Variants in SLC17A3 observed in about 807,000 individuals in gnomAD.
The protein encoded by SLC17A3 is sodium-dependent phosphate transport protein 4.
Under a neutral mutation model 60.3 loss-of-function variants are expected in SLC17A3, and 61 were observed. The ratio of observed to expected loss-of-function variants is 1.01; its 90% CI spans 0.82 to 1.25. The LOEUF is 1.25. Among genes scored for constraint, SLC17A3 ranks in the 50% most tolerant of loss-of-function variants. The probability of loss-of-function intolerance (pLI) is 0.00; values close to 1 mark genes in which losing one functional copy is unlikely to be tolerated. For synonymous variants in SLC17A3, 192 were observed against 208.9 expected (o/e 0.92, Z 0.70); for missense variants, 624 against 594.9 (o/e 1.05, Z -0.51).
chr6:25,850,538 C>T lies in SLC17A3; in HGVS notation c.914G>A (p.Ser305Asn). The change falls in exon 8 of 13, where the codon AGC becomes AAC. Residue 305 changes from serine to asparagine, a missense_variant. Ser to Asn is a conservative substitution (Grantham distance 46, BLOSUM62 1). Transcript: ENST00000397060. ...PIWSICLGCF[S>N]HQWLVSTMVV... The stretch of plus-strand genomic sequence containing the variant: ...CATTGTGCTAACTAACCATTGATGG[C>T]TGAAACAGCCTAAACATATGGACCA... 2 of 1,613,786 alleles carry T rather than the reference C, an allele frequency of 1.2e-6. No individual in the cohort carries two copies. Among genetic ancestry groups the T allele is most frequent in the Non-Finnish European group, 8.5e-7 (1 of 1,179,784 alleles).
At chr6:25,846,670 G>A (rs1213229413) in intron 11 of SLC17A3, among the ~76,000 whole-genome samples, 2 of 152,050 alleles carry the variant, frequency 1.3e-5, no homozygotes, top group Non-Finnish European at 2.9e-5. Context: ...GAGTACAGTG[G>A]CACGATCTCG....
In SLC17A3 at chr6:25,849,281, A is replaced by T. The variant is rs956056248; in HGVS notation, c.1362+93T>A. On this transcript the variant is annotated intron_variant, in intron 11 of 12. Transcript: ENST00000397060. Reference sequence around the variant, plus strand: ...TTAATGACAAATTACCCAAAATTTAACTTTATTTTTCAGTCTTTGAATACA... The same window carrying T: ...TTAATGACAAATTACCCAAAATTTATCTTTATTTTTCAGTCTTTGAATACA... 3.9e-6 allele frequency: 3 copies of T among 768,750 alleles called. No individual in the cohort carries two copies. The African/African-American group carries it at 5.2e-5, about 13-fold the overall frequency. 47.6% of individuals were successfully genotyped at this position (768,750 alleles called of 1,614,324 possible).
At position 25,862,364 on chromosome 6, in the gene SLC17A3, T is replaced by C; in HGVS notation, c.172A>G (p.Ile58Val). Residue 58 changes from isoleucine to valine, a missense_variant, in exon 3 of 13, where the codon ATC becomes GTC. Physicochemically the swap from Ile to Val is conservative, Grantham distance 29 (BLOSUM62 3). Transcript: ENST00000397060. The part of the protein sequence containing the change: ...CNFTTIAQNV[I>V]MNITMVAMVN... ...ATGGCTACCATGGTGATGTTCATGA[T>C]GACATTTTGTGCTATCGTTGTGAAA... 6.2e-7 allele frequency: 1 copy of C among 1,613,816 alleles called. No homozygotes were observed. The highest frequency in any genetic ancestry group is 8.5e-7 in the Non-Finnish European group (1 of 1,179,740).
chr6:25,852,735 A>G (rs1227547401), intron 6 of SLC17A3, among the ~76,000 whole-genome samples: 3 of 152,154 alleles, frequency 2.0e-5, no homozygotes, highest in African/African-American at 7.2e-5. Context: ...TAATGTAGCT[A>G]TAGTAACTAT....
chr6:25,862,378 A>G lies in SLC17A3; in HGVS notation c.158T>C (p.Ile53Thr), dbSNP rs576305771. The G allele has an allele frequency of 2.5e-6, 4 of 1,613,796 alleles. No individual in the cohort carries two copies. The highest frequency in any genetic ancestry group is 1.1e-5 in the South Asian group (1 of 91,072). The change falls in exon 3 of 13, where the codon ATA (isoleucine) becomes ACA (threonine). Residue 53 changes from isoleucine (I) to threonine (T), a missense_variant. Physicochemically the swap from Ile to Thr is moderately conservative, Grantham distance 89 (BLOSUM62 -1). Transcript: ENST00000397060. ...LVLHFCNFTTIAQNVIMNITM... is the reference protein window; with the variant it reads ...LVLHFCNFTTTAQNVIMNITM... ...GATGTTCATGATGACATTTTGTGCT[A>G]TCGTTGTGAAATTGCAGAAATGTAA... is the stretch of plus-strand genomic sequence containing the variant.
In SLC17A3 at chr6:25,845,371, A is replaced by G. The variant is rs774544359; in HGVS notation, c.*2+9T>C. 4.3e-6 allele frequency: 7 copies of G among 1,613,808 alleles called. No individual in the cohort carries two copies. The highest frequency in any genetic ancestry group is 5.9e-6 in the Non-Finnish European group (7 of 1,179,802). On this transcript the variant is annotated intron_variant, in intron 12 of 12. Transcript: ENST00000397060. Reference sequence around the variant, plus strand: ...GGCTATAACCATGCATAAAATCACTATCCTTTACCTTCATAAACGAGTGAG... The same window carrying G: ...GGCTATAACCATGCATAAAATCACTGTCCTTTACCTTCATAAACGAGTGAG...
In SLC17A3 at chr6:25,861,974, C is replaced by A; in HGVS notation, c.359G>T (p.Gly120Val). 1 of 1,611,912 alleles carries A rather than the reference C, an allele frequency of 6.2e-7. No individual in the cohort carries two copies. Among genetic ancestry groups the A allele is most frequent in the Middle Eastern group, 1.7e-4 (1 of 6,060 alleles). Residue 120 changes from glycine (G) to valine (V), a missense_variant, in exon 4 of 13, where the codon GGC becomes GTC. Transcript: ENST00000397060. ...AGCCATTGTCAGTATGCCACCATAGCCAACAGCACCAAAGATGATGCCTTG... is the reference window on the plus strand; with the variant it reads ...AGCCATTGTCAGTATGCCACCATAGACAACAGCACCAAAGATGATGCCTTG... ...QIQGIIFGAV[G>V]YGGILTMAPS... is the part of the protein sequence containing the mutation.
chr6:25,856,803 C>A (rs752855222), intron 5 of SLC17A3, among the ~76,000 whole-genome samples: 2 of 148,952 alleles, frequency 1.3e-5, no homozygotes, highest in African/African-American at 5.0e-5. Flanking sequence ...GCCGAGATTG[C>A]GCCACTGCAC....
At chr6:25,845,649 A>G (rs1765163153) in intron 11 of SLC17A3, 133 bp from the exon 12 acceptor site, 2 of 991,810 alleles carry the variant, frequency 2.0e-6, no homozygotes, top group Non-Finnish European at 3.1e-6. Flanking sequence ...GTGGCTTGAT[A>G]GTTAAATGCA....
rs146202370 is a variant in SLC17A3, at chr6:25,850,531, T to A, written c.921A>T (p.Gln307His). Residue 307 changes from glutamine (Q) to histidine (H), a missense_variant, in exon 8 of 13, where the codon CAA (glutamine) becomes CAT (histidine). By Grantham distance (24) the Gln-to-His change is conservative. Transcript: ENST00000397060. ...ATACAACCATTGTGCTAACTAACCA[T>A]TGATGGCTGAAACAGCCTAAACATA... ...WSICLGCFSHQWLVSTMVVYI... is the reference protein window; with the variant it reads ...WSICLGCFSHHWLVSTMVVYI... 16 of 1,613,836 alleles carry A rather than the reference T, an allele frequency of 9.9e-6. No individual in the cohort carries two copies. Among genetic ancestry groups the A allele is most frequent in the African/African-American group, 1.3e-5 (1 of 74,984 alleles).
intron 6 of SLC17A3, 71 bp from the exon 7 acceptor site, chr6:25,850,948 A>T: frequency 5.5e-6 from 6 of 1,093,938 alleles, no homozygotes; most frequent in African/African-American, 1.5e-5. Flanking sequence ...TTATGTTGGG[A>T]TATTTTCTGT....
At chr6:25,865,445 A>T (rs1054829545) in intron 2 of SLC17A3, among the ~76,000 whole-genome samples, 5 of 151,940 alleles carry the variant, frequency 3.3e-5, no homozygotes, top group African/African-American at 1.2e-4. Flanking sequence ...ACTGGTGGTG[A>T]CTTCCTCTAT....
chr6:25,859,723 A>T, intron 5 of SLC17A3, among the ~76,000 whole-genome samples: 1 of 152,166 alleles, frequency 6.6e-6, no homozygotes, highest in East Asian at 1.9e-4. Flanking sequence ...TCAGAACCAC[A>T]CCATCAGTGG....
rs1765576579 is a variant in SLC17A3, at chr6:25,868,483, T to TTTAA, written c.-33-67_-33-64dup. On this transcript the variant is annotated intron_variant, in intron 1 of 12. Coordinates refer to ENST00000397060, the MANE Select transcript of SLC17A3 (RefSeq NM_001098486.2). ...GAGAAAGAGACTCCCCGTTGAAATA[T>TTTAA]TTAAACAAGGGCACCAAGGAAAAAA... 6 of 1,102,990 alleles carry TTTAA rather than the reference T, an allele frequency of 5.4e-6. No individual in the cohort carries two copies. In the South Asian group the frequency reaches 7.9e-5, roughly 14 times the overall value. The allele number at this position is 1,102,990 out of a possible 1,614,324, so 68.3% of individuals were successfully genotyped here.
chr6:25,856,347 C>T (rs1765355975), intron 5 of SLC17A3, among the ~76,000 whole-genome samples: 2 of 152,168 alleles, frequency 1.3e-5, no homozygotes, highest in African/African-American at 4.8e-5. Flanking sequence ...AGCAATCCTT[C>T]CACATCAACC....
intron 8 of SLC17A3, 71 bp downstream of exon 8, chr6:25,850,388 A>G (rs1581520880): frequency 1.3e-6 from 2 of 1,488,016 alleles, no homozygotes; most frequent in African/African-American, 1.4e-5. Flanking sequence ...CTCAGATGGA[A>G]TGATTAGTGA....
At chr6:25,870,253 T>C (rs1347672323) in intron 1 of SLC17A3, among the ~76,000 whole-genome samples, 3 of 152,006 alleles carry the variant, frequency 2.0e-5, no homozygotes, top group African/African-American at 7.2e-5. Flanking sequence ...CTTCTGTTTC[T>C]AGGGAAATTG....
chr6:25,861,302 A>G (rs1315953066), intron 5 of SLC17A3, among the ~76,000 whole-genome samples: 2 of 139,844 alleles, frequency 1.4e-5, no homozygotes, highest in African/African-American at 3.2e-5. Context: ...TAAACTGAAG[A>G]AAAAAAAGCA....
intron 5 of SLC17A3, among the ~76,000 whole-genome samples, chr6:25,856,750 C>T (rs910771392): frequency 4.6e-5 from 7 of 150,844 alleles, no homozygotes; most frequent in African/African-American, 7.3e-5. Context: ...TGGAGGCTGA[C>T]GCAGGAGAAT....
Sources: gnomAD v4.1 joint callset for allele counts (sites outside exome capture counted in the v4.1 genomes callset) on GRCh38, gnomAD v4.1.1 for gene constraint, MANE v1.5 for transcripts, NCBI Gene and HGNC (gene_info 2026-07-23, HGNC 2026-07-21) for gene names.